Variants in XKRX observed in about 807,000 individuals in gnomAD.
XKRX encodes the protein XK related X-linked, also known as XK-related protein 2.
A neutral mutation model predicts 22.4 loss-of-function variants in XKRX; 11 were observed. The ratio of observed to expected loss-of-function variants is 0.49; its 90% CI spans 0.31 to 0.81. The LOEUF (loss-of-function observed/expected upper bound fraction) is 0.81. Among genes scored for constraint, XKRX ranks in the 40% least tolerant of loss-of-function variants. The pLI is 0.05. For missense variants in XKRX, 320 were observed against 336.5 expected (o/e 0.95, Z 0.38); for synonymous variants, 114 against 132.2 (o/e 0.86, Z 0.94).
At chrX:100,901,188 G>C in the XKRX span, among the ~76,000 whole-genome samples, 1 of 111,255 alleles carries the variant, frequency 9.0e-6, no homozygotes, top group South Asian at 3.7e-4. Flanking sequence ...ATACATATGT[G>C]TGTATATATC....
At chrX:100,947,867 C>G in the XKRX span, among the ~76,000 whole-genome samples, 1 of 111,122 alleles carries the variant, frequency 9.0e-6, no homozygotes, top group Non-Finnish European at 1.9e-5. Context: ...TTATTTATTC[C>G]AATATATTCA....
intron 1 of XKRX, 142 bp downstream of exon 1, chrX:100,927,828 T>C (rs1285964718): frequency 9.2e-6 from 7 of 763,526 alleles, no homozygotes; most frequent in East Asian, 3.3e-5. Flanking sequence ...GTTTTCTGAA[T>C]GGTAGACAGG....
At chrX:100,888,434 C>T in the XKRX span, 5 of 995,896 alleles carry the variant, frequency 5.0e-6, no homozygotes, top group Admixed American at 2.3e-5. Flanking sequence ...GCCCCTGGAG[C>T]GCTTGGTGTT....
At chrX:100,934,475 C>T in the XKRX span, among the ~76,000 whole-genome samples, 39 of 111,377 alleles carry the variant, frequency 3.5e-4, no homozygotes, top group African/African-American at 1.1e-3. Context: ...GAGACCTCGG[C>T]CTTTGCTCTT....
rs10600680 is a variant in XKRX, at chrX:100,924,005, G to GTTT, written c.336-947_336-945dup. On this transcript the variant is annotated intron_variant, in intron 1 of 2. Transcript: ENST00000372956. ...GCATGTGCCACCATGTCCGGCTAAG[G>GTTT]TTTTTTTTTTTTTTTTTTGTATTTT... is the stretch of plus-strand genomic sequence containing the variant. Among the ~76,000 whole-genome samples, 460 of 77,106 alleles carry GTTT rather than the reference G, an allele frequency of 6.0e-3. 5 individuals are homozygous for GTTT. Among genetic ancestry groups the GTTT allele is most frequent in the African/African-American group, 0.021 (429 of 20,123 alleles). 67.0% of individuals were successfully genotyped at this position (77,106 alleles called of 115,157 possible).
At chrX:100,955,781 C>A in the XKRX span, among the ~76,000 whole-genome samples, 3 of 112,135 alleles carry the variant, frequency 2.7e-5, no homozygotes, top group African/African-American at 9.7e-5. Flanking sequence ...GGGAAACAAT[C>A]CAAATGCCCT....
the XKRX span, among the ~76,000 whole-genome samples, chrX:100,889,169 G>A: frequency 9.4e-6 from 1 of 106,381 alleles, no homozygotes; most frequent in African/African-American, 3.4e-5. Context: ...GAACCCGGGA[G>A]GTGGAGGCTG....
chrX:100,936,868 C>G, the XKRX span, among the ~76,000 whole-genome samples: 3 of 109,587 alleles, frequency 2.7e-5, no homozygotes, highest in Admixed American at 9.8e-5. Flanking sequence ...CACCTGGTCC[C>G]CCCACCCCCC....
the XKRX span, among the ~76,000 whole-genome samples, chrX:100,889,496 C>A: frequency 1.8e-5 from 2 of 110,048 alleles, no homozygotes; most frequent in Non-Finnish European, 3.8e-5. Flanking sequence ...GTCAGCCTTG[C>A]GAGTAGCCAT....
chrX:100,924,334 A>G (rs1322556902), intron 1 of XKRX, among the ~76,000 whole-genome samples: 2 of 111,725 alleles, frequency 1.8e-5, no homozygotes, highest in Non-Finnish European at 3.8e-5. Context: ...TCACTGTAAT[A>G]GTTACTTTTT....
At chrX:100,891,095 T>A in the XKRX span, among the ~76,000 whole-genome samples, 1 of 111,602 alleles carries the variant, frequency 9.0e-6, no homozygotes, top group East Asian at 2.8e-4. Flanking sequence ...CTCACCAACA[T>A]ATATCAAAAA....
the XKRX span, chrX:100,956,446 G>C: frequency 7.0e-6 from 2 of 287,222 alleles, no homozygotes. Flanking sequence ...TGTCTCTAAA[G>C]CAAAAACCAA....
At chrX:100,952,389 G>A in the XKRX span, among the ~76,000 whole-genome samples, 8 of 108,189 alleles carry the variant, frequency 7.4e-5, no homozygotes, top group Admixed American at 4.0e-4. Context: ...CATGGGGGTC[G>A]CTGGCCTCCA....
the XKRX span, among the ~76,000 whole-genome samples, chrX:100,939,224 A>C: frequency 1.8e-5 from 2 of 111,909 alleles, no homozygotes; most frequent in African/African-American, 6.5e-5. Flanking sequence ...AGTGAAATGG[A>C]CAACTAGGGA....
upstream of XKRX, among the ~76,000 whole-genome samples, chrX:100,929,656 A>T (rs1458655244): frequency 9.0e-6 from 1 of 111,590 alleles, no homozygotes; most frequent in Non-Finnish European, 1.9e-5. Flanking sequence ...ATAGAACAGG[A>T]TAAAGGTCAA....
the XKRX span, among the ~76,000 whole-genome samples, chrX:100,954,157 G>C: frequency 5.4e-5 from 6 of 111,100 alleles, no homozygotes; most frequent in Non-Finnish European, 1.1e-4. Flanking sequence ...AGTGGCTCAC[G>C]CCTGTAATCC....
chrX:100,924,828 G>A, intron 1 of XKRX, among the ~76,000 whole-genome samples: 1 of 111,796 alleles, frequency 8.9e-6, no homozygotes, highest in East Asian at 2.8e-4. Flanking sequence ...AAATTTAACA[G>A]AAAAGTAGAC....
chrX:100,942,820 C>A, the XKRX span, among the ~76,000 whole-genome samples: 3 of 111,242 alleles, frequency 2.7e-5, no homozygotes, highest in African/African-American at 9.8e-5. Flanking sequence ...ACCTTGTTTA[C>A]TGATACCCTT....
rs779284418 is a variant in XKRX, at chrX:100,919,253, T to C, written c.604+3540A>G. Among the ~76,000 whole-genome samples, 3 of 111,981 alleles carry C rather than the reference T, an allele frequency of 2.7e-5. No individual in the cohort carries two copies. The East Asian group carries it at 8.3e-4, about 31-fold the overall frequency. On this transcript the variant is annotated intron_variant, in intron 2 of 2. Coordinates refer to ENST00000372956, the MANE Select transcript of XKRX (RefSeq NM_212559.3). The stretch of plus-strand genomic sequence containing the variant: ...ATTAAAAAATTATCTTGAAAATTAA[T>C]CTACTTAAAAGATTGGGGAAAATTG...
Sources: gnomAD v4.1 joint callset for allele counts (sites outside exome capture counted in the v4.1 genomes callset) on GRCh38, gnomAD v4.1.1 for gene constraint, MANE v1.5 for transcripts, NCBI Gene and HGNC (gene_info 2026-07-23, HGNC 2026-07-21) for gene names.